The following TMEM266 variants were observed in gnomAD, a reference collection of about 807,000 sequenced individuals.
TMEM266 encodes the protein Hv1 related protein 1.
TMEM266 carries 33 observed loss-of-function variants against 50.5 expected under a neutral mutation model. That is an observed-to-expected ratio of 0.65 (90% CI 0.50 to 0.87). The LOEUF is 0.87. Among genes scored for constraint, TMEM266 ranks in the 40% least tolerant of loss-of-function variants. The probability of loss-of-function intolerance (pLI) is 0.00; values close to 1 mark genes in which losing one functional copy is unlikely to be tolerated. For missense variants in TMEM266, 655 were observed against 695.1 expected (o/e 0.94, Z 0.65); for synonymous variants, 310 against 292.3 (o/e 1.06, Z -0.62).
chr15:76,076,797 G>A lies in TMEM266; in HGVS notation c.-97+16781G>A, dbSNP rs948167235. Among the ~76,000 whole-genome samples the A allele has an allele frequency of 3.6e-4, 55 of 152,054 alleles. 1 individual carries two copies. The highest frequency in any genetic ancestry group is 1.3e-4 in the Admixed American group (2 of 15,266). On this transcript the variant is annotated intron_variant, in intron 1 of 10. Coordinates refer to ENST00000388942, the MANE Select transcript of TMEM266 (RefSeq NM_152335.3). ...GATAATTATGCAAGAGTATTTAATAGCATATTTAAAGATGATGCTGATTGT... is the reference window on the plus strand; with the variant it reads ...GATAATTATGCAAGAGTATTTAATAACATATTTAAAGATGATGCTGATTGT...
chr15:76,123,812 A>C lies in TMEM266; in HGVS notation c.-96-10356A>C, dbSNP rs1333471768. Among the ~76,000 whole-genome samples the C allele has an allele frequency of 3.3e-5, 5 of 152,010 alleles. No individual in the cohort carries two copies. The South Asian group carries it at 8.3e-4, about 25-fold the overall frequency. ...ACTGCAACCTCCACCTCCTGGTTTC[A>C]AGTGAGTCTCCTGTCTCAGCCTCCT... is the stretch of plus-strand genomic sequence containing the variant. On this transcript the variant is annotated intron_variant, in intron 1 of 10. Coordinates refer to ENST00000388942, the MANE Select transcript of TMEM266 (RefSeq NM_152335.3).
At chr15:76,098,374 C>G (rs1200841994) in intron 1 of TMEM266, among the ~76,000 whole-genome samples, 2 of 152,100 alleles carry the variant, frequency 1.3e-5, no homozygotes, top group Non-Finnish European at 2.9e-5. Context: ...TGGAGGACCA[C>G]TCCCGACCCT....
At chr15:76,185,017 C>T (rs1292814351) in intron 8 of TMEM266, among the ~76,000 whole-genome samples, 1 of 152,168 alleles carries the variant, frequency 6.6e-6, no homozygotes, top group Non-Finnish European at 1.5e-5. Flanking sequence ...AAGGCACAGG[C>T]CCGTGTGAGC....
intron 3 of TMEM266, among the ~76,000 whole-genome samples, chr15:76,145,854 T>C (rs982825797): frequency 6.6e-6 from 1 of 152,260 alleles, no homozygotes; most frequent in African/African-American, 2.4e-5. Context: ...TGGACAGTGC[T>C]GGGGCTTTGT....
Position 76,111,750 on chromosome 15 carries a change from A to G in TMEM266, c.-96-22418A>G, listed in dbSNP as rs547162245. 2.0e-5 allele frequency among the ~76,000 whole-genome samples: 3 copies of G among 152,348 alleles called. No homozygotes were observed. In the South Asian group the frequency reaches 6.2e-4, roughly 32 times the overall value. ...TTACAAATCTGAACATACTCTTACC[A>G]TATGAGCTAGTAATTACACTCCTTG... is the stretch of plus-strand genomic sequence containing the variant. On this transcript the variant is annotated intron_variant, in intron 1 of 10. Coordinates refer to ENST00000388942, the MANE Select transcript of TMEM266 (RefSeq NM_152335.3).
chr15:76,063,451 C>T (rs2036345695), intron 1 of TMEM266, among the ~76,000 whole-genome samples: 1 of 152,212 alleles, frequency 6.6e-6, no homozygotes, highest in Non-Finnish European at 1.5e-5. Flanking sequence ...GCTGTACCCC[C>T]TGCCCCAGGC....
intron 1 of TMEM266, among the ~76,000 whole-genome samples, chr15:76,105,135 A>G (rs2037061572): frequency 6.6e-6 from 1 of 152,134 alleles, no homozygotes; most frequent in Non-Finnish European, 1.5e-5. Flanking sequence ...AATCCCAGCT[A>G]CTCAGGAAGC....
chr15:76,114,585 T>TAA (rs1321550773), intron 1 of TMEM266, among the ~76,000 whole-genome samples: 1 of 152,248 alleles, frequency 6.6e-6, no homozygotes, highest in Non-Finnish European at 1.5e-5. Flanking sequence ...GTTTTGCTTT[T>TAA]ATAAAAGGTA....
Position 76,134,152 on chromosome 15 carries a change from C to T in TMEM266, c.-96-16C>T, listed in dbSNP as rs563519135. 16 of 1,182,486 alleles carry T rather than the reference C, an allele frequency of 1.4e-5. No individual in the cohort carries two copies. Among genetic ancestry groups the T allele is most frequent in the Non-Finnish European group, 1.8e-5 (15 of 811,000 alleles). 73.2% of individuals were successfully genotyped at this position (1,182,486 alleles called of 1,614,324 possible). ...TTTGGCATCTGAAGGTAATAAGTTC[C>T]TATTTTTGTTTTCAGGGCACTATAT... On this transcript the variant is annotated splice_polypyrimidine_tract_variant and intron_variant, in intron 1 of 10. Transcript: ENST00000388942.
chr15:76,127,206 A>G (rs572346045), intron 1 of TMEM266, among the ~76,000 whole-genome samples: 2 of 152,132 alleles, frequency 1.3e-5, no homozygotes, highest in African/African-American at 4.8e-5. Context: ...ATATCAAAAC[A>G]TTACAGTTTA....
At chr15:76,157,016 T>C (rs1452186071) in intron 4 of TMEM266, among the ~76,000 whole-genome samples, 3 of 152,188 alleles carry the variant, frequency 2.0e-5, no homozygotes, top group African/African-American at 7.2e-5. Context: ...CAGCATTCCA[T>C]GATCAGAAAC....
chr15:76,087,530 C>CAG (rs926017136), intron 1 of TMEM266, among the ~76,000 whole-genome samples: 1 of 151,934 alleles, frequency 6.6e-6, no homozygotes, highest in African/African-American at 2.4e-5. Context: ...GTCCAGTGGA[C>CAG]AGAACTAACA....
chr15:76,149,160 A>T (rs892730217), intron 3 of TMEM266, among the ~76,000 whole-genome samples: 1 of 152,122 alleles, frequency 6.6e-6, no homozygotes. Flanking sequence ...ACAATTGCAG[A>T]TGTTTTGTAA....
intron 1 of TMEM266, among the ~76,000 whole-genome samples, chr15:76,094,198 T>A (rs765357078): frequency 4.6e-5 from 7 of 152,128 alleles, no homozygotes; most frequent in Non-Finnish European, 8.8e-5. Flanking sequence ...CCATTGCCTA[T>A]GTCCTAAATG....
At chr15:76,090,280 C>T (rs2036830988) in intron 1 of TMEM266, among the ~76,000 whole-genome samples, 1 of 151,690 alleles carries the variant, frequency 6.6e-6, no homozygotes, top group African/African-American at 2.4e-5. Context: ...TTGCTTGAGG[C>T]CAGGAGTTCA....
intron 8 of TMEM266, among the ~76,000 whole-genome samples, chr15:76,180,182 G>GTATC (rs1446283995): frequency 2.0e-5 from 3 of 152,174 alleles, no homozygotes; most frequent in African/African-American, 7.2e-5. Context: ...TCATACACTA[G>GTATC]TATCATTTGT....
chr15:76,173,932 C>CA (rs888223015), intron 7 of TMEM266, among the ~76,000 whole-genome samples: 36 of 125,414 alleles, frequency 2.9e-4, no homozygotes, highest in African/African-American at 5.1e-4. Context: ...GACTCGGTCT[C>CA]AAAAAAAAAT....
intron 1 of TMEM266, among the ~76,000 whole-genome samples, chr15:76,108,240 C>T (rs1339151911): frequency 1.3e-5 from 2 of 152,224 alleles, no homozygotes; most frequent in Non-Finnish European, 2.9e-5. Flanking sequence ...CAGTGGCTGC[C>T]TGCCATGCCT....
At chr15:76,118,137 G>A (rs1401698184) in intron 1 of TMEM266, among the ~76,000 whole-genome samples, 1 of 152,198 alleles carries the variant, frequency 6.6e-6, no homozygotes, top group East Asian at 1.9e-4. Flanking sequence ...TTTTGATTTT[G>A]CGGCCCACAC....
Sources: gnomAD v4.1 joint callset for allele counts (sites outside exome capture counted in the v4.1 genomes callset) on GRCh38, gnomAD v4.1.1 for gene constraint, MANE v1.5 for transcripts, NCBI Gene and HGNC (gene_info 2026-07-23, HGNC 2026-07-21) for gene names.